MSI2: variants seen among roughly 807,000 people sequenced by gnomAD.
MSI2 encodes RNA-binding protein Musashi homolog 2.
In MSI2, 17 loss-of-function variants were observed where a neutral mutation model predicts 45.6. The observed-to-expected ratio is 0.37, with a 90% CI of 0.26 to 0.56. The LOEUF (loss-of-function observed/expected upper bound fraction) is 0.56. Among genes scored for constraint, MSI2 ranks in the 20% least tolerant of loss-of-function variants. The pLI is 0.77. For missense variants in MSI2, 293 were observed against 444.2 expected, an observed-to-expected ratio of 0.66 and a Z score of 3.06; for synonymous variants, 156 against 158.2, an observed-to-expected ratio of 0.99 and a Z score of 0.11.
intron 5 of MSI2, among the ~76,000 whole-genome samples, chr17:57,373,091 GC>G (rs2077476675): frequency 6.6e-6 from 1 of 151,914 alleles, no homozygotes; most frequent in Admixed American, 6.6e-5. Context: ...ATCTGTCTCT[GC>G]CAAAAAATAC....
chr17:57,599,264 A>G (rs1453014775), intron 8 of MSI2, among the ~76,000 whole-genome samples: 5 of 152,208 alleles, frequency 3.3e-5, no homozygotes, highest in Non-Finnish European at 7.3e-5. Context: ...CAGATGGGGA[A>G]AGGCTTTATC....
intron 11 of MSI2, among the ~76,000 whole-genome samples, chr17:57,653,485 C>G (rs1911335951): frequency 6.6e-6 from 1 of 152,176 alleles, no homozygotes; most frequent in Non-Finnish European, 1.5e-5. Flanking sequence ...CTCAGTCCCC[C>G]CAGCCCCGGG....
intron 5 of MSI2, among the ~76,000 whole-genome samples, chr17:57,394,075 C>T (rs2083845272): frequency 6.6e-6 from 1 of 152,196 alleles, no homozygotes; most frequent in Non-Finnish European, 1.5e-5. Flanking sequence ...AGCAGCTGCA[C>T]TATTTTAAAT....
At chr17:57,319,958 G>A (rs1913191516) in intron 5 of MSI2, among the ~76,000 whole-genome samples, 1 of 152,094 alleles carries the variant, frequency 6.6e-6, no homozygotes, top group Non-Finnish European at 1.5e-5. Context: ...CGAGAGGGGC[G>A]ACTGCAGCTC....
chr17:57,361,990 A>G (rs1457662945), intron 5 of MSI2, among the ~76,000 whole-genome samples: 5 of 152,258 alleles, frequency 3.3e-5, no homozygotes, highest in South Asian at 2.1e-4. Context: ...TAGAAAATAC[A>G]TAAAACTGAG....
At chr17:57,429,297 T>C (rs1230088065) in intron 6 of MSI2, among the ~76,000 whole-genome samples, 2 of 152,106 alleles carry the variant, frequency 1.3e-5, no homozygotes, top group Admixed American at 1.3e-4. Flanking sequence ...TTTGGAAACT[T>C]TGGGGTTTTG....
At chr17:57,563,058 A>C (rs1302773540) in intron 7 of MSI2, among the ~76,000 whole-genome samples, 1 of 138,548 alleles carries the variant, frequency 7.2e-6, no homozygotes, top group African/African-American at 2.8e-5. Flanking sequence ...AGATCGCACC[A>C]CTGCACGCCA....
rs1598522807 is a variant in MSI2, at chr17:57,681,187, A to G, written c.*1670A>G. On this transcript the variant is annotated 3_prime_UTR_variant, in exon 14 of 14. Transcript: ENST00000284073. Reference sequence around the variant, plus strand: ...CACATGTTTAACATTTGGCTGTTATAATATATGGTCCTCGGTTGGGGAAAG... The same window carrying G: ...CACATGTTTAACATTTGGCTGTTATGATATATGGTCCTCGGTTGGGGAAAG... 5.4e-6 allele frequency: 1 copy of G among 185,780 alleles called. No homozygotes were observed. The highest frequency in any genetic ancestry group is 1.1e-5 in the Non-Finnish European group (1 of 87,694). 11.5% of individuals were successfully genotyped at this position (185,780 alleles called of 1,614,324 possible).
At chr17:57,330,662 C>G (rs1914175488) in intron 5 of MSI2, among the ~76,000 whole-genome samples, 3 of 152,126 alleles carry the variant, frequency 2.0e-5, no homozygotes, top group Admixed American at 2.0e-4. Context: ...CGTTCCGCAT[C>G]CATAGACCCT....
chr17:57,544,652 G>A (rs909468210), intron 7 of MSI2, among the ~76,000 whole-genome samples: 2 of 152,142 alleles, frequency 1.3e-5, no homozygotes, highest in Non-Finnish European at 2.9e-5. Context: ...TGACTTCGAT[G>A]AAAACCCCCA....
At chr17:57,277,702 C>A (rs1908994081) in intron 5 of MSI2, among the ~76,000 whole-genome samples, 1 of 152,180 alleles carries the variant, frequency 6.6e-6, no homozygotes, top group Non-Finnish European at 1.5e-5. Flanking sequence ...CCTCAATTTC[C>A]TGATATGTAA....
chr17:57,351,245 G>A (rs1338746230), intron 5 of MSI2, among the ~76,000 whole-genome samples: 1 of 152,112 alleles, frequency 6.6e-6, no homozygotes, highest in Non-Finnish European at 1.5e-5. Flanking sequence ...GGGTCAAGCA[G>A]AAAGTAACTA....
rs1032136645 is a variant in MSI2 at position 57,336,160 on chromosome 17, C to T, written c.313-65219C>T. Among the ~76,000 whole-genome samples the T allele has an allele frequency of 1.8e-4, 28 of 152,066 alleles. 1 individual carries two copies. The highest frequency in any genetic ancestry group is 1.0e-3 in the South Asian group (5 of 4,830). On this transcript the variant is annotated intron_variant, in intron 5 of 13. Transcript: ENST00000284073. ...CCAAGGGCCAGGGTGGTGGTGAGGACGGTGGTGAGAAGTGGTTAGATTCCA... is the reference window on the plus strand; with the variant it reads ...CCAAGGGCCAGGGTGGTGGTGAGGATGGTGGTGAGAAGTGGTTAGATTCCA...
intron 6 of MSI2, among the ~76,000 whole-genome samples, chr17:57,521,103 A>G (rs958328760): frequency 6.6e-6 from 1 of 152,250 alleles, no homozygotes; most frequent in African/African-American, 2.4e-5. Flanking sequence ...CGTGCCTGGC[A>G]GCAGCAGCTG....
In MSI2 at chr17:57,679,854, T is replaced by G. The variant is rs1913494791; in HGVS notation, c.*337T>G. 2 of 232,280 alleles carry G rather than the reference T, an allele frequency of 8.6e-6. No individual in the cohort carries two copies. The highest frequency in any genetic ancestry group is 4.4e-5 in the African/African-American group (2 of 45,300). The allele number at this position is 232,280 out of a possible 1,614,324, so 14.4% of individuals were successfully genotyped here. Reference sequence around the variant, plus strand: ...AATCTCTTTGAATCACATTTGGTAGTGATTTTGACTTAGTCCAGTAGTCAC... The same window carrying G: ...AATCTCTTTGAATCACATTTGGTAGGGATTTTGACTTAGTCCAGTAGTCAC... On this transcript the variant is annotated 3_prime_UTR_variant, in exon 14 of 14. Transcript: ENST00000284073.
intron 5 of MSI2, among the ~76,000 whole-genome samples, chr17:57,372,955 A>T (rs868279848): frequency 7.2e-5 from 11 of 152,314 alleles, no homozygotes; most frequent in African/African-American, 2.4e-4. Context: ...TGGATTTAGA[A>T]TTACCAAATA....
chr17:57,605,985 G>A (rs1366181812), intron 8 of MSI2, among the ~76,000 whole-genome samples: 1 of 152,194 alleles, frequency 6.6e-6, no homozygotes, highest in African/African-American at 2.4e-5. Context: ...AAATGAAAAG[G>A]AGGACAGCTG....
At chr17:57,271,883 A>C (rs1333564641) in intron 5 of MSI2, among the ~76,000 whole-genome samples, 1 of 151,824 alleles carries the variant, frequency 6.6e-6, no homozygotes, top group Non-Finnish European at 1.5e-5. Context: ...GAGGCGCTAT[A>C]AAAGTTTTTT....
chr17:57,581,404 CA>C lies in MSI2; in HGVS notation c.455-15463del, dbSNP rs552578711. Among the ~76,000 whole-genome samples the C allele has an allele frequency of 1.4e-3, 215 of 152,202 alleles. 1 individual carries two copies. Among genetic ancestry groups the C allele is most frequent in the Middle Eastern group, 6.8e-3 (2 of 294 alleles). On this transcript the variant is annotated intron_variant, in intron 7 of 13. Coordinates refer to ENST00000284073, the MANE Select transcript of MSI2 (RefSeq NM_138962.4). ...CCACATCACACAGCTAGTAAACAAC[CA>C]GGATTTCTACGATGTCCTCGGATCC...
Sources: gnomAD v4.1 joint callset for allele counts (sites outside exome capture counted in the v4.1 genomes callset) on GRCh38, gnomAD v4.1.1 for gene constraint, MANE v1.5 for transcripts, NCBI Gene and HGNC (gene_info 2026-07-23, HGNC 2026-07-21) for gene names.